The following AGO2 variants were observed in gnomAD, a reference collection of about 807,000 sequenced individuals.
AGO2 encodes the protein argonaute RISC catalytic component 2, also known as protein argonaute-2.
In AGO2, 5 loss-of-function variants were observed where a neutral mutation model predicts 102.3. That is an observed-to-expected ratio of 0.05 (90% CI 0.03 to 0.10). The LOEUF is 0.10. AGO2 is among the 10% of genes least tolerant of loss of function. The pLI is 1.00. For synonymous variants in AGO2, 449 were observed against 473.1 expected (o/e 0.95, Z 0.66); for missense variants, 541 against 1,183.7 (o/e 0.46, Z 7.97).
At chr8:140,605,797 C>T (rs2073990433) in intron 1 of AGO2, 2 of 152,352 alleles carry the variant, frequency 1.3e-5, no homozygotes, top group Admixed American at 6.5e-5. Context: ...AGCTACAAAC[C>T]TGCTCAGAGG....
chr8:140,607,398 C>T (rs1230811306), intron 1 of AGO2, among the ~76,000 whole-genome samples: 1 of 149,074 alleles, frequency 6.7e-6, no homozygotes, highest in East Asian at 2.0e-4. Flanking sequence ...TGAATAGCTT[C>T]TGCACTCCAG....
rs200992169 is a variant in AGO2, at chr8:140,522,690, C to T, written c.*9354G>A. ...CAAGAGAGAGAGAGAGAGACAGAGACAGAGACAGAGAGAGGGAGGGGGAGG... is the reference window on the plus strand; with the variant it reads ...CAAGAGAGAGAGAGAGAGACAGAGATAGAGACAGAGAGAGGGAGGGGGAGG... On this transcript the variant is annotated 3_prime_UTR_variant, in exon 19 of 19. Coordinates refer to ENST00000220592, the MANE Select transcript of AGO2 (RefSeq NM_012154.5). 1 of 110,976 alleles carries T rather than the reference C, an allele frequency of 9.0e-6. No homozygotes were observed. The highest frequency in any genetic ancestry group is 3.7e-5 in the African/African-American group (1 of 27,306). The allele number at this position is 110,976 out of a possible 1,614,324, so 6.9% of individuals were successfully genotyped here.
chr8:140,548,474 C>A lies in AGO2; in HGVS notation c.1588+640G>T, dbSNP rs140321200. On this transcript the variant is annotated intron_variant, in intron 12 of 18. Coordinates refer to ENST00000220592, the MANE Select transcript of AGO2 (RefSeq NM_012154.5). Reference sequence around the variant, plus strand: ...GACATCAAAGAGCTCCACGGACCCACCCCCCGCTATTCCTGGTCTCTTTCA... The same window carrying A: ...GACATCAAAGAGCTCCACGGACCCAACCCCCGCTATTCCTGGTCTCTTTCA... Among the ~76,000 whole-genome samples, 3 of 152,222 alleles carry A rather than the reference C, an allele frequency of 2.0e-5. No individual in the cohort carries two copies. In the East Asian group the frequency reaches 5.8e-4, roughly 29 times the overall value.
intron 1 of AGO2, among the ~76,000 whole-genome samples, chr8:140,634,147 A>C (rs891646316): frequency 7.9e-5 from 12 of 152,206 alleles, no homozygotes; most frequent in African/African-American, 2.9e-4. Flanking sequence ...ATCATTCTTC[A>C]AACTGCTGAT....
intron 1 of AGO2, among the ~76,000 whole-genome samples, chr8:140,602,405 G>T (rs2073945228): frequency 6.6e-6 from 1 of 152,154 alleles, no homozygotes; most frequent in South Asian, 2.1e-4. Flanking sequence ...TTAGGTATAA[G>T]AATACTCCCA....
rs544971254 is a variant in AGO2 at position 140,540,960 on chromosome 8, C to T, written c.2034+204G>A. Among the ~76,000 whole-genome samples the T allele has an allele frequency of 1.2e-4, 18 of 152,264 alleles. No homozygotes were observed. The highest frequency in any genetic ancestry group is 4.3e-4 in the African/African-American group (18 of 41,548). The stretch of plus-strand genomic sequence containing the variant: ...CCGCCCCTCCTCCCCTCCCTCTGTC[C>T]TGCCTCAGTGTCATGTGTTAGGGTC... On this transcript the variant is annotated intron_variant, in intron 15 of 18. Transcript: ENST00000220592. The surrounding 1 kb of genome is among the most constrained non-coding windows in gnomAD (Gnocchi z 5.0).
rs376724209 is a variant in AGO2, at chr8:140,532,634, T to G, written c.2272-19A>C. ...TTGTCCCCTAAAGCAGATCAGAAGA[T>G]TAGACAGTTGGACTCGCATAAAATC... On this transcript the variant is annotated intron_variant, in intron 17 of 18. Transcript: ENST00000220592. 1.2e-6 allele frequency: 2 copies of G among 1,611,762 alleles called. No individual in the cohort carries two copies. Among genetic ancestry groups the G allele is most frequent in the Non-Finnish European group, 1.7e-6 (2 of 1,178,140 alleles).
chr8:140,594,880 G>A (rs1471872465), intron 1 of AGO2, among the ~76,000 whole-genome samples: 1 of 138,064 alleles, frequency 7.2e-6, no homozygotes, highest in Non-Finnish European at 1.6e-5. Flanking sequence ...TGACAAACTG[G>A]GAAATTTTTA....
chr8:140,563,186 G>GTA (rs2073230362), intron 3 of AGO2, among the ~76,000 whole-genome samples: 1 of 152,192 alleles, frequency 6.6e-6, no homozygotes. Flanking sequence ...GTTACAGATG[G>GTA]TATATATGTT....
In AGO2 at chr8:140,634,977, GC is replaced by G. The variant is rs535996210; in HGVS notation, c.22+507del. Among the ~76,000 whole-genome samples the G allele has an allele frequency of 5.0e-4, 76 of 151,770 alleles. 1 individual carries two copies. In the South Asian group the frequency reaches 6.2e-3, roughly 12 times the overall value. ...GACCGGCGCAGCCCCCTCCCCTCCC[GC>G]CCGTGCGCGCCCCGAGCCGGGCGCC... is the stretch of plus-strand genomic sequence containing the variant. On this transcript the variant is annotated intron_variant, in intron 1 of 18. Transcript: ENST00000220592.
intron 4 of AGO2, among the ~76,000 whole-genome samples, chr8:140,560,806 A>G (rs2073186505): frequency 6.6e-6 from 1 of 152,226 alleles, no homozygotes; most frequent in Non-Finnish European, 1.5e-5. Flanking sequence ...TTTCTGGTCC[A>G]GACTCCCTGT....
chr8:140,586,499 AAAAC>A (rs765039745), intron 1 of AGO2, among the ~76,000 whole-genome samples: 6 of 152,166 alleles, frequency 3.9e-5, no homozygotes, highest in Admixed American at 6.5e-5. Context: ...ATAAATAAAC[AAAAC>A]AAACAAACAA....
In AGO2 at chr8:140,539,590, G is replaced by A; in HGVS notation, c.2035-136C>T. On this transcript the variant is annotated intron_variant, in intron 15 of 18. Coordinates refer to ENST00000220592, the MANE Select transcript of AGO2 (RefSeq NM_012154.5). The surrounding 1 kb of genome is among the most constrained non-coding windows in gnomAD (Gnocchi z 4.7). Reference sequence around the variant, plus strand: ...ACAATGAGTGTGTTCACGGGGAGGTGAAAACACGGGGGCAGAAACCATCCT... The same window carrying A: ...ACAATGAGTGTGTTCACGGGGAGGTAAAAACACGGGGGCAGAAACCATCCT... 1 of 1,032,946 alleles carries A rather than the reference G, an allele frequency of 9.7e-7. No individual in the cohort carries two copies. The highest frequency in any genetic ancestry group is 1.4e-6 in the Non-Finnish European group (1 of 720,356). The allele number at this position is 1,032,946 out of a possible 1,614,324, so 64.0% of individuals were successfully genotyped here. A position where few individuals can be genotyped will look rare whatever the true frequency, so the allele number is the denominator to read the frequency against.
intron 1 of AGO2, among the ~76,000 whole-genome samples, chr8:140,635,083 G>A (rs1299992928): frequency 2.0e-5 from 3 of 148,042 alleles, no homozygotes; most frequent in Non-Finnish European, 4.5e-5. Context: ...CCCGGGCAGC[G>A]AGGCCGGGCC....
At chr8:140,553,043 T>C (rs1453433924) in intron 10 of AGO2, among the ~76,000 whole-genome samples, 1 of 152,218 alleles carries the variant, frequency 6.6e-6, no homozygotes, top group African/African-American at 2.4e-5. Flanking sequence ...GGGACAGGAA[T>C]GTTTCCTCAC....
chr8:140,547,377 GC>G lies in AGO2; in HGVS notation c.1748+90del, dbSNP rs1275343667. On this transcript the variant is annotated intron_variant, in intron 13 of 18. Coordinates refer to ENST00000220592, the MANE Select transcript of AGO2 (RefSeq NM_012154.5). Reference sequence around the variant, plus strand: ...TGCTGGGCCCAGGTGAAGGGACCCTGCCCCCCTGCCCCCTGCATACTGCACC... The same window carrying G: ...TGCTGGGCCCAGGTGAAGGGACCCTGCCCCCTGCCCCCTGCATACTGCACC... 9 of 1,495,314 alleles carry G rather than the reference GC, an allele frequency of 6.0e-6. No homozygotes were observed. In the African/African-American group the frequency reaches 9.7e-5, roughly 16 times the overall value. The allele number at this position is 1,495,314 out of a possible 1,614,324, so 92.6% of individuals were successfully genotyped here.
intron 1 of AGO2, among the ~76,000 whole-genome samples, chr8:140,601,693 C>T (rs1235662547): frequency 1.3e-5 from 2 of 152,274 alleles, no homozygotes; most frequent in Admixed American, 6.5e-5. Context: ...AGAACCTGAA[C>T]ACATCCTCCT....
chr8:140,595,615 AATAT>A (rs35447841), intron 1 of AGO2, among the ~76,000 whole-genome samples: 15 of 124,968 alleles, frequency 1.2e-4, no homozygotes, highest in African/African-American at 3.0e-4. Context: ...CTATATATAT[AATAT>A]ATATATATAT....
intron 1 of AGO2, among the ~76,000 whole-genome samples, chr8:140,612,207 C>G (rs184317068): frequency 8.1e-6 from 1 of 123,160 alleles, no homozygotes; most frequent in Admixed American, 9.4e-5. Flanking sequence ...TGGCCAAGAG[C>G]GAGACTCTGT....
Sources: allele counts gnomAD v4.1 joint callset (sites outside exome capture counted in the v4.1 genomes callset), GRCh38; gene constraint gnomAD v4.1.1; non-coding constraint Gnocchi (gnomAD v3.1); transcripts MANE v1.5; gene names NCBI Gene and HGNC (gene_info 2026-07-23, HGNC 2026-07-21).